SCAPER: variants seen among roughly 807,000 people sequenced by gnomAD.
SCAPER encodes the protein S phase cyclin A-associated protein in the endoplasmic reticulum.
SCAPER carries 98 observed loss-of-function variants against 182.2 expected under a neutral mutation model. That is an observed-to-expected ratio of 0.54 (90% CI 0.46 to 0.64). SCAPER has a LOEUF of 0.64. Ranked by LOEUF, SCAPER falls within the 30% of genes least tolerant of loss-of-function variation. The probability of loss-of-function intolerance (pLI) is 0.00; values close to 1 mark genes in which losing one functional copy is unlikely to be tolerated. For missense variants in SCAPER, 1,432 were observed against 1,690.0 expected (o/e 0.85, Z 2.68); for synonymous variants, 605 against 564.6 (o/e 1.07, Z -1.01).
chr15:76,728,272 T>C (rs545431957), intron 17 of SCAPER, among the ~76,000 whole-genome samples: 1 of 151,950 alleles, frequency 6.6e-6, no homozygotes, highest in South Asian at 2.1e-4. Context: ...GACTTTCATG[T>C]CTGACAGAAC....
rs1023382471 is a variant in SCAPER, at chr15:76,612,410, T to G, written c.2711+9354A>C. The stretch of plus-strand genomic sequence containing the variant: ...AGCCACCATGTCTGGCTAATTTTTT[T>G]GTATTTTTAGTAGAGAAAGGGTTTT... On this transcript the variant is annotated intron_variant, in intron 22 of 31. Coordinates refer to ENST00000563290, the MANE Select transcript of SCAPER (RefSeq NM_020843.4). Among the ~76,000 whole-genome samples, 15 of 152,256 alleles carry G rather than the reference T, an allele frequency of 9.9e-5. No homozygotes were observed. In the East Asian group the frequency reaches 2.9e-3, roughly 29 times the overall value.
chr15:76,675,336 G>A (rs1177839218), intron 20 of SCAPER, among the ~76,000 whole-genome samples: 1 of 152,196 alleles, frequency 6.6e-6, no homozygotes, highest in Non-Finnish European at 1.5e-5. Context: ...CACTATTCAA[G>A]TGCTGAAAGC....
chr15:76,539,059 G>A, intron 23 of SCAPER, among the ~76,000 whole-genome samples: 1 of 150,014 alleles, frequency 6.7e-6, no homozygotes. Flanking sequence ...GTAAACTAAT[G>A]TTGTAAGTAA....
chr15:76,383,073 AGTGT>A (rs1055859269), intron 27 of SCAPER, among the ~76,000 whole-genome samples: 3 of 140,336 alleles, frequency 2.1e-5, no homozygotes, highest in Non-Finnish European at 4.7e-5. Context: ...AATCTGGGTT[AGTGT>A]GTGTATAGGT....
At chr15:76,857,755 C>T in intron 4 of SCAPER, 54 bp downstream of exon 4, 1 of 1,037,278 alleles carries the variant, frequency 9.6e-7, no homozygotes. Flanking sequence ...ATTTATAATA[C>T]ATTCAGAAAT....
chr15:76,577,834 C>T (rs558302938), intron 22 of SCAPER, among the ~76,000 whole-genome samples: 7 of 151,268 alleles, frequency 4.6e-5, no homozygotes, highest in South Asian at 2.1e-4. Flanking sequence ...GGGAAGAGTA[C>T]GGGAACTTTG....
intron 26 of SCAPER, among the ~76,000 whole-genome samples, chr15:76,417,794 C>T (rs1012944179): frequency 1.3e-5 from 2 of 152,084 alleles, no homozygotes; most frequent in Non-Finnish European, 1.5e-5. Context: ...CCGAGGTGGG[C>T]GGATCACGAG....
intron 21 of SCAPER, among the ~76,000 whole-genome samples, chr15:76,652,619 G>A (rs1458355692): frequency 4.0e-5 from 6 of 150,034 alleles, no homozygotes; most frequent in Non-Finnish European, 8.9e-5. Context: ...GCTGAGGCAG[G>A]AGAATCACTT....
chr15:76,712,745 T>C (rs1408285361), intron 17 of SCAPER, among the ~76,000 whole-genome samples: 1 of 152,036 alleles, frequency 6.6e-6, no homozygotes, highest in African/African-American at 2.4e-5. Flanking sequence ...TGTTTGTCTG[T>C]TATTGGTGTA....
At chr15:76,893,200 T>G (rs1237329131) in intron 1 of SCAPER, among the ~76,000 whole-genome samples, 1 of 152,050 alleles carries the variant, frequency 6.6e-6, no homozygotes, top group African/African-American at 2.4e-5. Flanking sequence ...GAGGGAGGGA[T>G]AGCATTAGGA....
intron 24 of SCAPER, among the ~76,000 whole-genome samples, chr15:76,501,345 TAAAA>T (rs35025661): frequency 2.4e-5 from 3 of 127,000 alleles, no homozygotes; most frequent in East Asian, 2.3e-4. Flanking sequence ...CAATTTCATG[TAAAA>T]AAAAAAAAAA....
chr15:76,630,498 C>A (rs1023385476), intron 21 of SCAPER, among the ~76,000 whole-genome samples: 2 of 152,054 alleles, frequency 1.3e-5, no homozygotes, highest in Admixed American at 6.6e-5. Context: ...GGCACGTTGT[C>A]TCTTTGTTCT....
Position 76,841,833 on chromosome 15 carries a change from T to C in SCAPER, c.294A>G (p.Leu98=). The change falls in exon 5 of 32, where the codon CTA becomes CTG. Residue 98 remains leucine, a synonymous_variant. Transcript: ENST00000563290. ...AAAGAAATGCCCAGTATCGAGCTCT[T>C]AGATCAATTTTCCGAGGGTGCCTTG... ...TKTRHPRKID[L]RARYWAFLFD... The C allele has an allele frequency of 6.2e-7, 1 of 1,613,916 alleles. No individual in the cohort carries two copies. The highest frequency in any genetic ancestry group is 8.5e-7 in the Non-Finnish European group (1 of 1,179,846).
intron 4 of SCAPER, among the ~76,000 whole-genome samples, chr15:76,851,270 A>G (rs1251016941): frequency 6.6e-6 from 1 of 152,202 alleles, no homozygotes; most frequent in Non-Finnish European, 1.5e-5. Context: ...ATACTTCAGG[A>G]TAGTATCCAT....
At chr15:76,832,931 T>A (rs2068627016) in intron 5 of SCAPER, among the ~76,000 whole-genome samples, 1 of 152,176 alleles carries the variant, frequency 6.6e-6, no homozygotes, top group South Asian at 2.1e-4. Context: ...AAGTCTCAGG[T>A]ATTTTTTCAT....
At chr15:76,561,720 T>G (rs1204476812) in intron 23 of SCAPER, among the ~76,000 whole-genome samples, 1 of 152,036 alleles carries the variant, frequency 6.6e-6, no homozygotes. Flanking sequence ...ACCTCACTTT[T>G]TTTTTTTAGA....
chr15:76,532,109 G>A (rs2144565304), intron 23 of SCAPER, among the ~76,000 whole-genome samples: 1 of 152,048 alleles, frequency 6.6e-6, no homozygotes, highest in African/African-American at 2.4e-5. Flanking sequence ...ACTGGCCCAT[G>A]GAAGAACCCT....
chr15:76,572,246 A>G (rs896001323), intron 23 of SCAPER, among the ~76,000 whole-genome samples: 2 of 152,226 alleles, frequency 1.3e-5, no homozygotes, highest in African/African-American at 2.4e-5. Context: ...GAGATAAGAT[A>G]CGTGTAGCAG....
intron 25 of SCAPER, among the ~76,000 whole-genome samples, chr15:76,443,214 G>A (rs183044505): frequency 1.7e-4 from 26 of 152,262 alleles, no homozygotes; most frequent in African/African-American, 6.0e-4. Context: ...TGTGAAAAAT[G>A]TGTATTTTGA....
Sources: gnomAD v4.1 joint callset for allele counts (sites outside exome capture counted in the v4.1 genomes callset) on GRCh38, gnomAD v4.1.1 for gene constraint, MANE v1.5 for transcripts, NCBI Gene and HGNC (gene_info 2026-07-23, HGNC 2026-07-21) for gene names.